The following PSMB7 variants were observed in gnomAD, a reference collection of about 807,000 sequenced individuals.
PSMB7 encodes proteasome subunit beta type-7.
In PSMB7, 5 loss-of-function variants were observed where a neutral mutation model predicts 28.1. The observed-to-expected ratio is 0.18, with a 90% CI of 0.09 to 0.37. The LOEUF is 0.37. Ranked by LOEUF, PSMB7 falls within the 10% of genes least tolerant of loss-of-function variation. PSMB7 has a pLI of 1.00. For missense variants in PSMB7, 275 were observed against 346.2 expected, an observed-to-expected ratio of 0.79 and a Z score of 1.63; for synonymous variants, 122 against 123.7, an observed-to-expected ratio of 0.99 and a Z score of 0.09.
chr9:124,410,229 T>A (rs1831015481), intron 4 of PSMB7, among the ~76,000 whole-genome samples: 1 of 152,100 alleles, frequency 6.6e-6, no homozygotes, highest in East Asian at 1.9e-4. Context: ...CTCCTGACCT[T>A]GTGATCTGCC....
intron 5 of PSMB7, among the ~76,000 whole-genome samples, chr9:124,391,128 C>T (rs995771575): frequency 9.2e-5 from 14 of 152,210 alleles, no homozygotes; most frequent in South Asian, 2.1e-4. Context: ...CAGATGCACA[C>T]GGTACTTAAG....
At position 124,369,114 on chromosome 9, in the gene PSMB7, G is replaced by A. The variant is rs924301937; in HGVS notation, c.571-12199C>T. On this transcript the variant is annotated intron_variant, in intron 6 of 7. Coordinates refer to ENST00000259457, the MANE Select transcript of PSMB7 (RefSeq NM_002799.4). ...TCTAACATGACAGGGTGACAATGACGGCGAGAATGACCACATTCTACAGAT... is the reference window on the plus strand; with the variant it reads ...TCTAACATGACAGGGTGACAATGACAGCGAGAATGACCACATTCTACAGAT... Among the ~76,000 whole-genome samples, 5 of 152,174 alleles carry A rather than the reference G, an allele frequency of 3.3e-5. No homozygotes were observed. The East Asian group carries it at 7.7e-4, about 23-fold the overall frequency.
chr9:124,397,244 C>T (rs1830852433), intron 5 of PSMB7, among the ~76,000 whole-genome samples: 1 of 152,170 alleles, frequency 6.6e-6, no homozygotes, highest in South Asian at 2.1e-4. Flanking sequence ...AGTAAAGCAT[C>T]CCACAACAGG....
At chr9:124,409,205 A>G (rs1054458151) in intron 4 of PSMB7, among the ~76,000 whole-genome samples, 1 of 152,224 alleles carries the variant, frequency 6.6e-6, no homozygotes, top group African/African-American at 2.4e-5. Context: ...GAGACAGAAG[A>G]CTGGAATAAC....
chr9:124,405,018 TATTA>T (rs1282067330), intron 5 of PSMB7, among the ~76,000 whole-genome samples: 1 of 152,178 alleles, frequency 6.6e-6, no homozygotes, highest in African/African-American at 2.4e-5. Flanking sequence ...AATACCTGTG[TATTA>T]ATTTAGAATA....
intron 5 of PSMB7, among the ~76,000 whole-genome samples, chr9:124,388,946 AG>A (rs1830755549): frequency 6.6e-6 from 1 of 152,124 alleles, no homozygotes; most frequent in Non-Finnish European, 1.5e-5. Flanking sequence ...CATCCCCAAC[AG>A]TCTCTGACAC....
rs549229818 is a variant in PSMB7, at chr9:124,384,405, C to T, written c.570+193G>A. Among the ~76,000 whole-genome samples the T allele has an allele frequency of 3.9e-5, 6 of 152,276 alleles. No individual in the cohort carries two copies. In the East Asian group the frequency reaches 1.2e-3, roughly 29 times the overall value. The stretch of plus-strand genomic sequence containing the variant: ...CTGGATAGCGCTGGTGCCTCAAGCC[C>T]AAGGAAGGGCACAGCTGGGCCACTA... On this transcript the variant is annotated intron_variant, in intron 6 of 7. Coordinates refer to ENST00000259457, the MANE Select transcript of PSMB7 (RefSeq NM_002799.4).
At chr9:124,406,968 CAG>C (rs1830972853) in intron 4 of PSMB7, among the ~76,000 whole-genome samples, 1 of 152,082 alleles carries the variant, frequency 6.6e-6, no homozygotes, top group Non-Finnish European at 1.5e-5. Flanking sequence ...GCCTGGGCAA[CAG>C]AGTGACACTT....
chr9:124,407,296 G>T (rs1830976007), intron 4 of PSMB7, among the ~76,000 whole-genome samples: 2 of 152,196 alleles, frequency 1.3e-5, no homozygotes, highest in Non-Finnish European at 1.5e-5. Flanking sequence ...CCTGTTCCTT[G>T]ATTACCAAAT....
intron 5 of PSMB7, among the ~76,000 whole-genome samples, chr9:124,385,630 G>C (rs1054491170): frequency 2.0e-5 from 3 of 152,072 alleles, no homozygotes; most frequent in Non-Finnish European, 4.4e-5. Context: ...TTTTTAACTT[G>C]TTTTGCATAA....
intron 6 of PSMB7, among the ~76,000 whole-genome samples, chr9:124,382,085 C>A (rs1830672619): frequency 6.6e-6 from 1 of 151,556 alleles, no homozygotes; most frequent in Admixed American, 6.6e-5. Flanking sequence ...ATGGTGAAAC[C>A]CAGTCTCTAC....
At chr9:124,354,597 C>T (rs200879683) in intron 7 of PSMB7, among the ~76,000 whole-genome samples, 2 of 152,360 alleles carry the variant, frequency 1.3e-5, no homozygotes, top group East Asian at 1.9e-4. Context: ...GCAACTTCCA[C>T]AGTTCTGCAT....
chr9:124,415,326 T>C (rs751351004), intron 1 of PSMB7, 38 bp downstream of exon 1: 2 of 1,604,154 alleles, frequency 1.2e-6, no homozygotes, highest in Non-Finnish European at 1.7e-6. Context: ...CACCGCACTC[T>C]TCTCCCTCCC....
At chr9:124,373,306 T>C (rs956367859) in intron 6 of PSMB7, among the ~76,000 whole-genome samples, 3 of 152,236 alleles carry the variant, frequency 2.0e-5, no homozygotes, top group Non-Finnish European at 1.5e-5. Flanking sequence ...AGGGATTGTA[T>C]GTTAGGGTTC....
At chr9:124,409,343 TAA>T (rs1168044778) in intron 4 of PSMB7, among the ~76,000 whole-genome samples, 3 of 152,194 alleles carry the variant, frequency 2.0e-5, no homozygotes, top group African/African-American at 4.8e-5. Context: ...AGTTACAATA[TAA>T]GAGTCTCTAC....
chr9:124,415,020 A>C, intron 1 of PSMB7, 85 bp from the exon 2 acceptor site: 3 of 875,456 alleles, frequency 3.4e-6, no homozygotes, highest in Non-Finnish European at 5.3e-6. Context: ...CAGAGAACTC[A>C]GGAAAGCTGC....
rs1217838303 is a variant in PSMB7, at chr9:124,415,356, G to A, written c.62+8C>T. On this transcript the variant is annotated splice_region_variant and intron_variant, in intron 1 of 7. Coordinates refer to ENST00000259457, the MANE Select transcript of PSMB7 (RefSeq NM_002799.4). Reference sequence around the variant, plus strand: ...CCTCCCTGAACCAAGCCCCAAGCAAGGCGGCACCTGCGGCAGTTATCAAAA... The same window carrying A: ...CCTCCCTGAACCAAGCCCCAAGCAAAGCGGCACCTGCGGCAGTTATCAAAA... 1 of 1,613,834 alleles carries A rather than the reference G, an allele frequency of 6.2e-7. No homozygotes were observed.
chr9:124,392,805 G>A lies in PSMB7; in HGVS notation c.512-8149C>T, dbSNP rs562946431. Among the ~76,000 whole-genome samples the A allele has an allele frequency of 3.4e-4, 52 of 152,222 alleles. No individual in the cohort carries two copies. The East Asian group carries it at 8.9e-3, about 26-fold the overall frequency. On this transcript the variant is annotated intron_variant, in intron 5 of 7. Coordinates refer to ENST00000259457, the MANE Select transcript of PSMB7 (RefSeq NM_002799.4). ...TTCCCCAAATCAATTTAACCAGATC[G>A]TCTCAGGAAAAAAAGCTGCTCCTTC...
At chr9:124,395,809 T>G (rs1304185797) in intron 5 of PSMB7, among the ~76,000 whole-genome samples, 5 of 152,220 alleles carry the variant, frequency 3.3e-5, no homozygotes, top group Non-Finnish European at 7.3e-5. Flanking sequence ...CTTCCACCTC[T>G]TTTTCTAGAA....
Sources: allele counts gnomAD v4.1 joint callset (sites outside exome capture counted in the v4.1 genomes callset), GRCh38; gene constraint gnomAD v4.1.1; transcripts MANE v1.5; gene names NCBI Gene and HGNC (gene_info 2026-07-23, HGNC 2026-07-21).